Variants in PCDHGB5 observed in about 807,000 individuals in gnomAD.
PCDHGB5 encodes the protein protocadherin gamma subfamily B, 5.
A neutral mutation model predicts 62.9 loss-of-function variants in PCDHGB5; 48 were observed. The ratio of observed to expected loss-of-function variants is 0.76; its 90% CI spans 0.61 to 0.97. The LOEUF (loss-of-function observed/expected upper bound fraction) is 0.97, where lower values mean the gene tolerates loss of function less well. PCDHGB5 is among the 50% of genes least tolerant of loss of function. PCDHGB5 has a pLI of 0.00. For missense variants in PCDHGB5, 1,118 were observed against 1,198.6 expected (o/e 0.93, Z 0.99); for synonymous variants, 474 against 511.2 (o/e 0.93, Z 0.98).
intron 1 of PCDHGB5, chr5:141,423,661 G>A: frequency 1.3e-6 from 2 of 1,555,760 alleles, no homozygotes; most frequent in Non-Finnish European, 1.7e-6. Flanking sequence ...AAGTAATCAG[G>A]TGAGATTTAT....
intron 1 of PCDHGB5, among the ~76,000 whole-genome samples, chr5:141,447,527 A>C (rs1278828003): frequency 6.6e-6 from 1 of 152,224 alleles, no homozygotes; most frequent in East Asian, 1.9e-4. Flanking sequence ...TCATAACAAA[A>C]TTGTTGGGTT....
chr5:141,444,377 G>A (rs1035830834), intron 1 of PCDHGB5, among the ~76,000 whole-genome samples: 3 of 151,802 alleles, frequency 2.0e-5, no homozygotes, highest in Non-Finnish European at 4.4e-5. Context: ...CTCCATGTTG[G>A]TCAGGCTAGT....
At position 141,487,666 on chromosome 5, in the gene PCDHGB5, C is replaced by T. The variant is rs2099657736; in HGVS notation, c.2398-7141C>T. 1 of 1,612,838 alleles carries T rather than the reference C, an allele frequency of 6.2e-7. No homozygotes were observed. Among genetic ancestry groups the T allele is most frequent in the South Asian group, 1.1e-5 (1 of 90,712 alleles). Reference sequence around the variant, plus strand: ...TGCTTGAGGGTTATTCTGATCCAGGCATATGGCTAGGCCATGTCCTAGAGA... The same window carrying T: ...TGCTTGAGGGTTATTCTGATCCAGGTATATGGCTAGGCCATGTCCTAGAGA... On this transcript the variant is annotated intron_variant, in intron 1 of 3. Coordinates refer to ENST00000617380, the MANE Select transcript of PCDHGB5 (RefSeq NM_018925.3). This position sits in a 1 kb window ranked among gnomAD's most constrained non-coding sequence, Gnocchi z 5.0.
At chr5:141,440,115 A>G (rs921555018) in intron 1 of PCDHGB5, 4 of 152,250 alleles carry the variant, frequency 2.6e-5, no homozygotes, top group African/African-American at 4.8e-5. Flanking sequence ...TTACTTGTGA[A>G]TGACTGAATG....
At chr5:141,409,325 G>A (rs2095255437) in intron 1 of PCDHGB5, 1 of 1,613,984 alleles carries the variant, frequency 6.2e-7, no homozygotes, top group Non-Finnish European at 8.5e-7. Context: ...ACGGGATCTG[G>A]ATTTCGGAGG....
intron 1 of PCDHGB5, among the ~76,000 whole-genome samples, chr5:141,461,756 C>T (rs887460069): frequency 6.6e-6 from 1 of 151,832 alleles, no homozygotes; most frequent in Non-Finnish European, 1.5e-5. Flanking sequence ...CAGATTCAAG[C>T]GATTCTCCTG....
intron 1 of PCDHGB5, chr5:141,415,762 T>TTTTG: frequency 2.1e-6 from 3 of 1,399,986 alleles, no homozygotes; most frequent in Non-Finnish European, 2.8e-6. Flanking sequence ...TTTTTTTTTT[T>TTTTG]TTTTTTTTTT....
intron 2 of PCDHGB5, among the ~76,000 whole-genome samples, chr5:141,504,802 C>G (rs370355030): frequency 6.6e-6 from 1 of 152,030 alleles, no homozygotes; most frequent in East Asian, 1.9e-4. Context: ...ACATCTCCCC[C>G]TAGGTACCTC....
intron 1 of PCDHGB5, among the ~76,000 whole-genome samples, chr5:141,472,071 A>G (rs1243864250): frequency 6.6e-6 from 1 of 152,200 alleles, no homozygotes. Context: ...GTCTGTGGTT[A>G]TATCAATGAG....
intron 1 of PCDHGB5, chr5:141,430,525 G>C (rs1354801907): frequency 3.3e-5 from 12 of 365,842 alleles, no homozygotes; most frequent in Admixed American, 1.3e-4. Context: ...GCAGTAATTG[G>C]TTAGGACTCT....
At chr5:141,456,020 C>A (rs2098840631) in intron 1 of PCDHGB5, among the ~76,000 whole-genome samples, 2 of 151,952 alleles carry the variant, frequency 1.3e-5, no homozygotes, top group South Asian at 4.2e-4. Flanking sequence ...GCCTCAGCCT[C>A]CCGAGTAGCT....
intron 2 of PCDHGB5, among the ~76,000 whole-genome samples, chr5:141,503,950 C>T (rs1216385793): frequency 3.3e-5 from 5 of 152,180 alleles, no homozygotes; most frequent in Non-Finnish European, 7.3e-5. Flanking sequence ...CAAGGCCTAC[C>T]CTACAGCCTT....
At chr5:141,436,588 G>A (rs1182294845) in intron 1 of PCDHGB5, among the ~76,000 whole-genome samples, 3 of 152,138 alleles carry the variant, frequency 2.0e-5, no homozygotes, top group Non-Finnish European at 2.9e-5. Context: ...AATTTGAAAG[G>A]TCGTGGTGAT....
At chr5:141,442,294 C>A (rs1194203452) in intron 1 of PCDHGB5, 1 of 152,584 alleles carries the variant, frequency 6.6e-6, no homozygotes, top group Admixed American at 6.5e-5. Context: ...ATGATCCTGT[C>A]TGAGTCTTTC....
Position 141,476,477 on chromosome 5 carries a change from G to C in PCDHGB5, c.2398-18330G>C. ...GGAGAACCCGCTGGAGCTGTTCAGCGTGGAAGTGGTGATCCAGGACATCAA... is the reference window on the plus strand; with the variant it reads ...GGAGAACCCGCTGGAGCTGTTCAGCCTGGAAGTGGTGATCCAGGACATCAA... On this transcript the variant is annotated intron_variant, in intron 1 of 3. Coordinates refer to ENST00000617380, the MANE Select transcript of PCDHGB5 (RefSeq NM_018925.3). The surrounding 1 kb of genome is among the most constrained non-coding windows in gnomAD (Gnocchi z 7.6). The C allele has an allele frequency of 5.0e-6, 8 of 1,614,078 alleles. No homozygotes were observed. Among genetic ancestry groups the C allele is most frequent in the Non-Finnish European group, 6.8e-6 (8 of 1,180,018 alleles).
intron 2 of PCDHGB5, among the ~76,000 whole-genome samples, chr5:141,496,189 G>T (rs1362938002): frequency 1.3e-5 from 2 of 152,004 alleles, no homozygotes; most frequent in African/African-American, 4.8e-5. Context: ...AGCCCCAGCT[G>T]CTCATTTCAA....
chr5:141,455,983 C>T (rs542017964), intron 1 of PCDHGB5, among the ~76,000 whole-genome samples: 23 of 151,546 alleles, frequency 1.5e-4, no homozygotes, highest in African/African-American at 5.1e-4. Context: ...CTGCAAGCTC[C>T]GCCTCTCGGG....
At chr5:141,474,044 T>A (rs1442885504) in intron 1 of PCDHGB5, among the ~76,000 whole-genome samples, 3 of 152,162 alleles carry the variant, frequency 2.0e-5, no homozygotes. Context: ...TACTCCAGCC[T>A]GGATGACAGA....
intron 1 of PCDHGB5, chr5:141,416,818 C>T (rs766541497): frequency 9.9e-5 from 15 of 151,960 alleles, no homozygotes; most frequent in Admixed American, 2.6e-4. Flanking sequence ...AAAAGCATTC[C>T]GAAGTTTCTC....
Sources: allele counts gnomAD v4.1 joint callset (sites outside exome capture counted in the v4.1 genomes callset), GRCh38; gene constraint gnomAD v4.1.1; non-coding constraint Gnocchi (gnomAD v3.1); transcripts MANE v1.5; gene names NCBI Gene and HGNC (gene_info 2026-07-23, HGNC 2026-07-21).